The following ARHGAP44 variants were observed in gnomAD, a reference collection of about 807,000 sequenced individuals.
The protein encoded by ARHGAP44 is Rho GTPase activating protein 44.
ARHGAP44 carries 43 observed loss-of-function variants against 106.8 expected under a neutral mutation model. The observed-to-expected ratio is 0.40, with a 90% CI of 0.32 to 0.52. The LOEUF (loss-of-function observed/expected upper bound fraction) is 0.52, where lower values mean the gene tolerates loss of function less well. Among genes scored for constraint, ARHGAP44 ranks in the 20% least tolerant of loss-of-function variants. The pLI is 0.48. For missense variants in ARHGAP44, 866 were observed against 1,050.5 expected, an observed-to-expected ratio of 0.82 and a Z score of 2.43; for synonymous variants, 439 against 410.3, an observed-to-expected ratio of 1.07 and a Z score of -0.85.
intron 1 of ARHGAP44, among the ~76,000 whole-genome samples, chr17:12,866,864 C>G (rs916966718): frequency 6.6e-6 from 1 of 152,032 alleles, no homozygotes; most frequent in Non-Finnish European, 1.5e-5. Flanking sequence ...TCTTCATGTC[C>G]GTAAAACTTC....
intron 1 of ARHGAP44, among the ~76,000 whole-genome samples, chr17:12,869,821 T>C (rs146781973): frequency 4.2e-4 from 64 of 152,290 alleles, no homozygotes; most frequent in African/African-American, 1.5e-3. Context: ...CATACTGTTT[T>C]ATAGCCTGCC....
intron 1 of ARHGAP44, among the ~76,000 whole-genome samples, chr17:12,879,772 T>C (rs1041514704): frequency 1.5e-4 from 22 of 151,162 alleles, no homozygotes; most frequent in African/African-American, 4.6e-4. Context: ...TTTGGGGCAC[T>C]CATCCCCCAT....
At chr17:12,938,182 C>G (rs2038603065) in intron 7 of ARHGAP44, among the ~76,000 whole-genome samples, 2 of 152,002 alleles carry the variant, frequency 1.3e-5, no homozygotes, top group South Asian at 4.1e-4. Flanking sequence ...CAATCTTTGA[C>G]AATATAATGA....
Position 12,975,795 on chromosome 17 carries a change from CAAAAAAAAA to C in ARHGAP44, c.1763+1499_1763+1507del, listed in dbSNP as rs57364760. On this transcript the variant is annotated intron_variant, in intron 18 of 20. Transcript: ENST00000379672. ...CCTGGGTGACAGCGTGACTCCGTCT[CAAAAAAAAA>C]AAAAAAAAAAAAAGAAAAAAAGACA... Among the ~76,000 whole-genome samples, 9 of 69,406 alleles carry C rather than the reference CAAAAAAAAA, an allele frequency of 1.3e-4. No homozygotes were observed. In the Admixed American group the frequency reaches 1.9e-3, roughly 14 times the overall value. 45.5% of individuals were successfully genotyped at this position (69,406 alleles called of 152,430 possible).
At chr17:12,986,274 G>T (rs1415944117) in intron 20 of ARHGAP44, 1 of 152,144 alleles carries the variant, frequency 6.6e-6, no homozygotes, top group African/African-American at 2.4e-5. Context: ...TCTTGGTGCT[G>T]AGGTGTCTCC....
In ARHGAP44 at chr17:12,958,881, T is replaced by A; in HGVS notation, c.1507T>A (p.Phe503Ile). 1 of 1,607,320 alleles carries A rather than the reference T, an allele frequency of 6.2e-7. No homozygotes were observed. Among genetic ancestry groups the A allele is most frequent in the Non-Finnish European group, 8.5e-7 (1 of 1,177,132 alleles). ...SVATDNMMLEFYKKDGLRKIQ... is the reference protein window; with the variant it reads ...SVATDNMMLEIYKKDGLRKIQ... The stretch of plus-strand genomic sequence containing the variant: ...CGCCACGGATAATATGATGCTGGAG[T>A]TTTACAAAAAGGATGGGTATGAACT... The change falls in exon 16 of 21, where the codon TTT (phenylalanine) becomes ATT (isoleucine). Residue 503 changes from phenylalanine to isoleucine, a missense_variant. Physicochemically the swap from Phe to Ile is conservative, Grantham distance 21. Around this residue, in one of 2 missense-constraint regions of ARHGAP44, gnomAD observed 448 missense variants for 646.9 expected, o/e 0.69. Coordinates refer to ENST00000379672, the MANE Select transcript of ARHGAP44 (RefSeq NM_014859.6). This position sits in a 1 kb window ranked among gnomAD's most constrained non-coding sequence, Gnocchi z 4.1.
chr17:12,893,986 T>C (rs560880155), intron 1 of ARHGAP44, among the ~76,000 whole-genome samples: 1 of 152,190 alleles, frequency 6.6e-6, no homozygotes, highest in Non-Finnish European at 1.5e-5. Flanking sequence ...AGGTTTTTAG[T>C]TGTGTGAGTG....
chr17:12,944,628 G>A (rs1217780749), intron 10 of ARHGAP44, among the ~76,000 whole-genome samples: 3 of 151,574 alleles, frequency 2.0e-5, no homozygotes, highest in South Asian at 4.2e-4. Context: ...TGGGACTACA[G>A]GCGTGTGCCA....
intron 7 of ARHGAP44, among the ~76,000 whole-genome samples, chr17:12,935,571 A>G (rs951276673): frequency 7.5e-4 from 9 of 12,066 alleles, no homozygotes; most frequent in Admixed American, 5.0e-3. Context: ...CTCCATCTCA[A>G]AAAAAAAAAA....
chr17:12,976,612 C>CAAAAA (rs59099893), intron 18 of ARHGAP44, among the ~76,000 whole-genome samples: 25 of 85,078 alleles, frequency 2.9e-4, no homozygotes, highest in African/African-American at 1.0e-3. Flanking sequence ...GACTCTGTGT[C>CAAAAA]AAAAAAAAAA....
chr17:12,963,658 C>T (rs2039319442), intron 16 of ARHGAP44, among the ~76,000 whole-genome samples: 1 of 151,904 alleles, frequency 6.6e-6, no homozygotes, highest in Non-Finnish European at 1.5e-5. Flanking sequence ...GACAGGTCGG[C>T]CTTGCACCAG....
At chr17:12,795,818 G>A (rs1171929199) in intron 1 of ARHGAP44, among the ~76,000 whole-genome samples, 4 of 152,092 alleles carry the variant, frequency 2.6e-5, no homozygotes, top group African/African-American at 9.7e-5. Flanking sequence ...ATCCAATTGA[G>A]CTGGCACCTG....
chr17:12,884,657 A>C (rs1567667408), intron 1 of ARHGAP44, among the ~76,000 whole-genome samples: 1 of 152,162 alleles, frequency 6.6e-6, no homozygotes. Context: ...CTGTTACCTC[A>C]AAAAGTTCCC....
chr17:12,952,464 C>A, intron 12 of ARHGAP44, 37 bp from the exon 13 acceptor site: 1 of 1,451,830 alleles, frequency 6.9e-7, no homozygotes, highest in Non-Finnish European at 9.5e-7. Context: ...TTTATTGATT[C>A]GTGCTCAACC....
intron 18 of ARHGAP44, among the ~76,000 whole-genome samples, chr17:12,975,795 CAAAAAAAAAA>C (rs57364760): frequency 8.6e-5 from 6 of 69,406 alleles, no homozygotes; most frequent in South Asian, 6.8e-4. Flanking sequence ...GACTCCGTCT[CAAAAAAAAAA>C]AAAAAAAAAA....
In ARHGAP44 at chr17:12,915,936, G is replaced by A. The variant is rs147471774; in HGVS notation, c.312G>A (p.Lys104=). 9.0e-4 allele frequency: 1,457 copies of A among 1,613,948 alleles called. 7 individuals carry two copies. In the African/African-American group the frequency reaches 0.013, roughly 14 times the overall value. The change falls in exon 5 of 21, where the codon AAG becomes AAA. Residue 104 remains lysine (K), a synonymous_variant. Coordinates refer to ENST00000379672, the MANE Select transcript of ARHGAP44 (RefSeq NM_014859.6). ...MLKLCGETED[K]LAQELIHFEL... Reference sequence around the variant, plus strand: ...AACTCTGTGGAGAGACGGAGGACAAGCTGGCTCAGGAGCTGATACATTTTG... The same window carrying A: ...AACTCTGTGGAGAGACGGAGGACAAACTGGCTCAGGAGCTGATACATTTTG...
chr17:12,845,523 CAAAA>C, intron 1 of ARHGAP44, among the ~76,000 whole-genome samples: 1 of 141,044 alleles, frequency 7.1e-6, no homozygotes. Flanking sequence ...AAAAAAAAAA[CAAAA>C]AAACAACTCT....
At chr17:12,981,092 A>T (rs2039818376) in intron 19 of ARHGAP44, 1 of 151,992 alleles carries the variant, frequency 6.6e-6, no homozygotes, top group South Asian at 2.1e-4. Flanking sequence ...ATCCCTACTC[A>T]TTCCTTTTGC....
intron 4 of ARHGAP44, among the ~76,000 whole-genome samples, chr17:12,914,611 A>G (rs145665430): frequency 0.046 from 7,028 of 152,200 alleles, 237 homozygotes; most frequent in Admixed American, 0.083. Flanking sequence ...TCTGGCCAAC[A>G]TGGTGAAACC....
Sources: gnomAD v4.1 joint callset for allele counts (sites outside exome capture counted in the v4.1 genomes callset) on GRCh38, gnomAD v4.1.1 for gene constraint, gnomAD v4.1.1 regional missense constraint, Gnocchi (gnomAD v3.1) non-coding constraint, MANE v1.5 for transcripts, NCBI Gene and HGNC (gene_info 2026-07-23, HGNC 2026-07-21) for gene names.